The following ATRNL1 variants were observed in gnomAD, a reference collection of about 807,000 sequenced individuals.
ATRNL1 encodes attractin-like protein 1.
A neutral mutation model predicts 182.7 loss-of-function variants in ATRNL1; 95 were observed. That is an observed-to-expected ratio of 0.52 (90% CI 0.44 to 0.62). ATRNL1 has a LOEUF of 0.62. ATRNL1 is among the 20% of genes least tolerant of loss of function. The pLI is 0.00. For synonymous variants in ATRNL1, 576 were observed against 568.3 expected, an observed-to-expected ratio of 1.01 and a Z score of -0.19; for missense variants, 1,471 against 1,679.5, an observed-to-expected ratio of 0.88 and a Z score of 2.17.
intron 17 of ATRNL1, among the ~76,000 whole-genome samples, chr10:115,310,507 G>A (rs1476621760): frequency 2.0e-5 from 3 of 151,886 alleles, no homozygotes; most frequent in Non-Finnish European, 2.9e-5. Flanking sequence ...ATTCAGTCCC[G>A]CTGCTTGTTA....
intron 9 of ATRNL1, among the ~76,000 whole-genome samples, chr10:115,239,483 C>T (rs948295142): frequency 6.6e-6 from 1 of 152,218 alleles, no homozygotes. Flanking sequence ...TCGCCCACTT[C>T]GGCCTCCCAA....
At chr10:115,278,863 A>G (rs1852220936) in intron 13 of ATRNL1, among the ~76,000 whole-genome samples, 1 of 152,094 alleles carries the variant, frequency 6.6e-6, no homozygotes, top group African/African-American at 2.4e-5. Flanking sequence ...TTTTAACTAT[A>G]GTGAGACCAT....
chr10:115,452,349 A>G (rs1235015309), intron 21 of ATRNL1, among the ~76,000 whole-genome samples: 2 of 152,196 alleles, frequency 1.3e-5, no homozygotes, highest in Non-Finnish European at 2.9e-5. Flanking sequence ...TTTTAAGGTC[A>G]TAACAGATGC....
At chr10:115,506,267 A>G (rs1455447118) in intron 24 of ATRNL1, among the ~76,000 whole-genome samples, 4 of 151,204 alleles carry the variant, frequency 2.6e-5, no homozygotes, top group Non-Finnish European at 5.9e-5. Flanking sequence ...AGTCTGATAG[A>G]GTTGGTTAAA....
At chr10:115,414,540 G>A (rs1356280780) in intron 20 of ATRNL1, among the ~76,000 whole-genome samples, 1 of 151,562 alleles carries the variant, frequency 6.6e-6, no homozygotes. Context: ...AATTAAATAT[G>A]TTGAACATTA....
intron 10 of ATRNL1, among the ~76,000 whole-genome samples, chr10:115,248,440 A>C (rs1554904621): frequency 6.6e-6 from 1 of 152,218 alleles, no homozygotes; most frequent in Non-Finnish European, 1.5e-5. Flanking sequence ...ACCATATTTC[A>C]AAAGTTTAAT....
chr10:115,810,188 C>T (rs1320641714), intron 27 of ATRNL1, among the ~76,000 whole-genome samples: 1 of 151,686 alleles, frequency 6.6e-6, no homozygotes, highest in Non-Finnish European at 1.5e-5. Flanking sequence ...ATTCAATTTG[C>T]CAATTTGTAA....
intron 19 of ATRNL1, among the ~76,000 whole-genome samples, chr10:115,351,442 G>GT (rs1171593603): frequency 2.0e-4 from 30 of 150,874 alleles, no homozygotes; most frequent in East Asian, 3.9e-4. Context: ...TTTTTTGAGA[G>GT]TTTTTTTTTA....
intron 26 of ATRNL1, among the ~76,000 whole-genome samples, chr10:115,657,742 A>G (rs1860417724): frequency 6.6e-6 from 1 of 152,136 alleles, no homozygotes; most frequent in Non-Finnish European, 1.5e-5. Flanking sequence ...TTTCCATTAC[A>G]TCCCTTTGGG....
intron 21 of ATRNL1, among the ~76,000 whole-genome samples, chr10:115,437,124 A>G (rs1846439514): frequency 6.6e-6 from 1 of 152,024 alleles, no homozygotes; most frequent in Non-Finnish European, 1.5e-5. Flanking sequence ...GAAGAAGTGG[A>G]ACCAAAAAGG....
intron 26 of ATRNL1, among the ~76,000 whole-genome samples, chr10:115,708,939 CAAGT>C (rs774253951): frequency 1.7e-4 from 26 of 151,748 alleles, no homozygotes; most frequent in Middle Eastern, 3.4e-3. Flanking sequence ...TTTTTTGAAG[CAAGT>C]AAGCAATGAA....
At chr10:115,110,192 C>A (rs1844198706) in intron 1 of ATRNL1, among the ~76,000 whole-genome samples, 2 of 152,038 alleles carry the variant, frequency 1.3e-5, no homozygotes, top group Admixed American at 1.3e-4. Flanking sequence ...TGACTTTTAT[C>A]CCTGGTATTA....
chr10:115,818,381 T>C (rs1950216732), intron 27 of ATRNL1, among the ~76,000 whole-genome samples: 1 of 152,088 alleles, frequency 6.6e-6, no homozygotes, highest in Admixed American at 6.6e-5. Context: ...TTGGAACTCA[T>C]TTGGCTTATT....
chr10:115,532,335 G>A (rs1444683628), intron 25 of ATRNL1, among the ~76,000 whole-genome samples: 16 of 152,038 alleles, frequency 1.1e-4, no homozygotes, highest in East Asian at 5.8e-4. Flanking sequence ...TCCTTGAAGA[G>A]GTCCTTCACA....
intron 21 of ATRNL1, among the ~76,000 whole-genome samples, chr10:115,443,916 TTGAG>T (rs1202152195): frequency 6.6e-6 from 1 of 152,108 alleles, no homozygotes; most frequent in Admixed American, 6.6e-5. Context: ...TCCTTCCTAT[TTGAG>T]TGTATGCAAC....
At chr10:115,359,034 G>A (rs1856624420) in intron 19 of ATRNL1, among the ~76,000 whole-genome samples, 1 of 151,488 alleles carries the variant, frequency 6.6e-6, no homozygotes, top group African/African-American at 2.4e-5. Context: ...TTATGTCCCT[G>A]CCTTTGAACT....
At chr10:115,936,938 A>G (rs1040430222) in intron 28 of ATRNL1, among the ~76,000 whole-genome samples, 3 of 152,212 alleles carry the variant, frequency 2.0e-5, no homozygotes, top group African/African-American at 7.2e-5. Flanking sequence ...TGATTCTGGT[A>G]AGTGTTTGTG....
intron 26 of ATRNL1, among the ~76,000 whole-genome samples, chr10:115,589,233 C>T (rs568710809): frequency 1.3e-5 from 2 of 152,170 alleles, no homozygotes; most frequent in East Asian, 1.9e-4. Flanking sequence ...TTAACTTCTG[C>T]CAGTAATTCC....
chr10:115,826,280 C>G (rs1414833113), intron 27 of ATRNL1, among the ~76,000 whole-genome samples: 1 of 152,122 alleles, frequency 6.6e-6, no homozygotes, highest in African/African-American at 2.4e-5. Context: ...AGCTTTCTTG[C>G]TCCCACAGTT....
Sources: allele counts gnomAD v4.1 joint callset (sites outside exome capture counted in the v4.1 genomes callset), GRCh38; gene constraint gnomAD v4.1.1; transcripts MANE v1.5; gene names NCBI Gene and HGNC (gene_info 2026-07-23, HGNC 2026-07-21).